Variants in EXT1 observed in about 807,000 individuals in gnomAD.
EXT1 encodes exostosin glycosyltransferase 1.
EXT1 carries 20 observed loss-of-function variants against 82.5 expected under a neutral mutation model. The ratio of observed to expected loss-of-function variants is 0.24; its 90% confidence interval spans 0.17 to 0.35. The LOEUF is 0.35. Ranked by LOEUF, EXT1 falls within the 10% of genes least tolerant of loss-of-function variation. The pLI is 1.00. For missense variants in EXT1, 757 were observed against 936.5 expected (o/e 0.81, Z 2.50); for synonymous variants, 348 against 350.8 (o/e 0.99, Z 0.09).
chr8:118,001,345 T>C (rs570234603), intron 1 of EXT1, among the ~76,000 whole-genome samples: 1 of 152,216 alleles, frequency 6.6e-6, no homozygotes, highest in Admixed American at 6.5e-5. Context: ...CCACCAGGCC[T>C]GGCTAATTTT....
chr8:117,950,409 C>G (rs912789523), intron 1 of EXT1, among the ~76,000 whole-genome samples: 4 of 152,206 alleles, frequency 2.6e-5, no homozygotes, highest in Non-Finnish European at 5.9e-5. Flanking sequence ...CGGATTTACA[C>G]TGAGTACTTT....
intron 1 of EXT1, among the ~76,000 whole-genome samples, chr8:118,101,850 G>C (rs1817723438): frequency 6.6e-6 from 1 of 152,088 alleles, no homozygotes; most frequent in Admixed American, 6.5e-5. Context: ...GAGTTAGGGA[G>C]GACAGGACAG....
intron 1 of EXT1, among the ~76,000 whole-genome samples, chr8:118,037,871 A>T: frequency 8.5e-6 from 1 of 117,398 alleles, no homozygotes; most frequent in Admixed American, 9.8e-5. Flanking sequence ...ATGGAGTTTC[A>T]CTCTTGTCGC....
chr8:117,863,817 G>C (rs1462968499), intron 1 of EXT1, among the ~76,000 whole-genome samples: 2 of 152,132 alleles, frequency 1.3e-5, no homozygotes, highest in African/African-American at 2.4e-5. Flanking sequence ...AACTAACGTA[G>C]TTCTTTAAGA....
intron 1 of EXT1, among the ~76,000 whole-genome samples, chr8:117,843,979 G>A (rs975823352): frequency 1.3e-5 from 2 of 151,994 alleles, no homozygotes; most frequent in African/African-American, 4.8e-5. Context: ...GCTATTCGTT[G>A]CCAATTTAAA....
At chr8:118,030,607 G>A (rs940426993) in intron 1 of EXT1, among the ~76,000 whole-genome samples, 4 of 152,098 alleles carry the variant, frequency 2.6e-5, no homozygotes, top group Non-Finnish European at 5.9e-5. Context: ...TTAGCCTCCC[G>A]AATAGCTGGG....
At chr8:117,915,282 T>C (rs748208665) in intron 1 of EXT1, among the ~76,000 whole-genome samples, 2 of 152,152 alleles carry the variant, frequency 1.3e-5, no homozygotes, top group African/African-American at 4.8e-5. Flanking sequence ...CTTCTTCTGC[T>C]GATATTGTTT....
intron 1 of EXT1, among the ~76,000 whole-genome samples, chr8:117,956,397 G>A (rs747058616): frequency 3.9e-5 from 6 of 152,102 alleles, no homozygotes; most frequent in African/African-American, 1.2e-4. Context: ...ATGATTCCAA[G>A]GAAGTATTTC....
chr8:117,947,319 TTC>T (rs1406657052), intron 1 of EXT1, among the ~76,000 whole-genome samples: 2 of 152,236 alleles, frequency 1.3e-5, no homozygotes, highest in Non-Finnish European at 2.9e-5. Context: ...ACTTTTTTCT[TTC>T]TTTCCTTTAA....
intron 7 of EXT1, among the ~76,000 whole-genome samples, chr8:117,813,613 T>A (rs1823370802): frequency 1.3e-5 from 2 of 152,052 alleles, no homozygotes; most frequent in Admixed American, 6.6e-5. Flanking sequence ...TTAGCACAGA[T>A]TAGAAAAAAT....
At chr8:118,000,169 A>G (rs755740204) in intron 1 of EXT1, among the ~76,000 whole-genome samples, 10 of 152,198 alleles carry the variant, frequency 6.6e-5, no homozygotes, top group Admixed American at 2.0e-4. Context: ...TATACTTTTC[A>G]AAGAAAAGAA....
intron 1 of EXT1, among the ~76,000 whole-genome samples, chr8:117,919,921 T>A (rs1265410239): frequency 6.6e-6 from 1 of 152,220 alleles, no homozygotes; most frequent in African/African-American, 2.4e-5. Context: ...GTAGATTTTA[T>A]GTATTTACTA....
chr8:118,028,288 T>C (rs1450035310), intron 1 of EXT1, among the ~76,000 whole-genome samples: 5 of 152,236 alleles, frequency 3.3e-5, no homozygotes, highest in African/African-American at 1.2e-4. Flanking sequence ...ATCTGGCCTC[T>C]AGGAAAAATA....
At chr8:118,103,863 A>T (rs1022491256) in intron 1 of EXT1, among the ~76,000 whole-genome samples, 1 of 152,242 alleles carries the variant, frequency 6.6e-6, no homozygotes, top group Non-Finnish European at 1.5e-5. Context: ...AGCCACCTTT[A>T]TGACATCTCT....
chr8:117,978,629 A>G (rs1201784302), intron 1 of EXT1, among the ~76,000 whole-genome samples: 1 of 152,254 alleles, frequency 6.6e-6, no homozygotes, highest in Non-Finnish European at 1.5e-5. Flanking sequence ...AAAAATTCCC[A>G]GGAAAGCCCA....
Position 117,831,621 on chromosome 8 carries a change from A to G in EXT1, c.1165-1272T>C, listed in dbSNP as rs1234849073. On this transcript the variant is annotated intron_variant, in intron 3 of 10. Coordinates refer to ENST00000378204, the MANE Select transcript of EXT1 (RefSeq NM_000127.3). Reference sequence around the variant, plus strand: ...CACCTCTTTCTGCATGCTTGCCTCCATAACATATGACTAATCCGACAGATA... The same window carrying G: ...CACCTCTTTCTGCATGCTTGCCTCCGTAACATATGACTAATCCGACAGATA... The G allele has an allele frequency of 2.8e-5, 13 of 471,050 alleles. No homozygotes were observed. The East Asian group carries it at 6.9e-4, about 25-fold the overall frequency. The allele number at this position is 471,050 out of a possible 1,614,324, so 29.2% of individuals were successfully genotyped here. A position where few individuals can be genotyped will look rare whatever the true frequency, so the allele number is the denominator to read the frequency against.
chr8:118,068,124 A>AG lies in EXT1; in HGVS notation c.962+41960dup. Among the ~76,000 whole-genome samples the AG allele has an allele frequency of 2.0e-5, 3 of 152,358 alleles. No individual in the cohort carries two copies. The Middle Eastern group carries it at 0.01, about 518-fold the overall frequency. ...ATTATTCTCATTTTTACTGCTAAGC[A>AG]GGTTGGTTCGGCAAAGCTGTGTGGC... On this transcript the variant is annotated intron_variant, in intron 1 of 10. Coordinates refer to ENST00000378204, the MANE Select transcript of EXT1 (RefSeq NM_000127.3).
intron 1 of EXT1, among the ~76,000 whole-genome samples, chr8:117,873,663 C>T (rs1425135787): frequency 6.6e-6 from 1 of 152,004 alleles, no homozygotes; most frequent in Non-Finnish European, 1.5e-5. Flanking sequence ...GCCATGTTGG[C>T]CAGTCTGGTC....
chr8:117,958,715 G>T (rs1028288969), intron 1 of EXT1, among the ~76,000 whole-genome samples: 1 of 152,172 alleles, frequency 6.6e-6, no homozygotes, highest in African/African-American at 2.4e-5. Flanking sequence ...CATTTACTAT[G>T]TACCGAAAGG....
Sources: allele counts gnomAD v4.1 joint callset (sites outside exome capture counted in the v4.1 genomes callset), GRCh38; gene constraint gnomAD v4.1.1; transcripts MANE v1.5; gene names NCBI Gene and HGNC (gene_info 2026-07-23, HGNC 2026-07-21).